Variants in KSR2 observed in about 807,000 individuals in gnomAD.
The protein encoded by KSR2 is kinase suppressor of ras 2.
In KSR2, 25 loss-of-function variants were observed where a neutral mutation model predicts 107.8. The ratio of observed to expected loss-of-function variants is 0.23; its 90% CI spans 0.17 to 0.32. The LOEUF is 0.32. KSR2 is among the 10% of genes least tolerant of loss of function. KSR2 has a pLI of 1.00. For synonymous variants in KSR2, 480 were observed against 507.0 expected (o/e 0.95, Z 0.71); for missense variants, 887 against 1,268.9 (o/e 0.70, Z 4.57).
intron 4 of KSR2, among the ~76,000 whole-genome samples, chr12:117,673,598 A>G (rs1885002681): frequency 6.6e-6 from 1 of 152,118 alleles, no homozygotes. Flanking sequence ...GAAATCCCAT[A>G]TTGCTTCCTA....
chr12:117,582,413 C>A, intron 5 of KSR2, 54 bp from the exon 6 acceptor site: 1 of 1,403,450 alleles, frequency 7.1e-7, no homozygotes, highest in Non-Finnish European at 1.0e-6. Flanking sequence ...CTGGGGTGGG[C>A]TCTGGCAAGG....
At chr12:117,949,717 T>C (rs61945416) in intron 1 of KSR2, among the ~76,000 whole-genome samples, 3,174 of 152,288 alleles carry the variant, frequency 0.021, 49 homozygotes, top group Middle Eastern at 0.054. Flanking sequence ...AATTCATCTA[T>C]GGTGGAAAAA....
intron 1 of KSR2, among the ~76,000 whole-genome samples, chr12:117,913,610 G>C (rs1895089095): frequency 6.6e-6 from 1 of 152,194 alleles, no homozygotes; most frequent in Admixed American, 6.5e-5. Flanking sequence ...TCTGAGGACA[G>C]AGGCAGAGAT....
intron 3 of KSR2, among the ~76,000 whole-genome samples, chr12:117,855,083 T>C (rs1893054759): frequency 6.6e-6 from 1 of 152,150 alleles, no homozygotes; most frequent in African/African-American, 2.4e-5. Context: ...AAGCTAGACA[T>C]TGACCCAAAA....
At chr12:117,510,786 G>A (rs1341411406) in intron 14 of KSR2, among the ~76,000 whole-genome samples, 1 of 151,428 alleles carries the variant, frequency 6.6e-6, no homozygotes, top group African/African-American at 2.4e-5. Flanking sequence ...GCTGAGACTG[G>A]AGAATTGTTT....
intron 1 of KSR2, among the ~76,000 whole-genome samples, chr12:117,903,860 G>A (rs1249080717): frequency 1.3e-5 from 2 of 152,074 alleles, no homozygotes; most frequent in African/African-American, 2.4e-5. Context: ...TTAGTTGGGC[G>A]TGATGGAGCA....
chr12:117,698,255 T>C (rs993529932), intron 4 of KSR2, among the ~76,000 whole-genome samples: 3 of 152,168 alleles, frequency 2.0e-5, no homozygotes, highest in African/African-American at 7.2e-5. Flanking sequence ...TATATCTCCT[T>C]GGTCTCTTCC....
In KSR2 at chr12:117,557,581, C is replaced by T. The variant is rs141644816; in HGVS notation, c.1393+925G>A. Among the ~76,000 whole-genome samples, 219 of 152,246 alleles carry T rather than the reference C, an allele frequency of 1.4e-3. 1 individual carries two copies. The highest frequency in any genetic ancestry group is 5.6e-3 in the East Asian group (29 of 5,178). On this transcript the variant is annotated intron_variant, in intron 8 of 19. Coordinates refer to ENST00000339824, the MANE Select transcript of KSR2 (RefSeq NM_173598.6). ...GTGCTTTGAATAGCAAGGATCTGGCCTACGATGTGCAGTAGAACTTTCTGC... is the reference window on the plus strand; with the variant it reads ...GTGCTTTGAATAGCAAGGATCTGGCTTACGATGTGCAGTAGAACTTTCTGC...
chr12:117,910,735 G>A (rs1216034256), intron 1 of KSR2, among the ~76,000 whole-genome samples: 1 of 152,186 alleles, frequency 6.6e-6, no homozygotes, highest in Non-Finnish European at 1.5e-5. Context: ...GAGTGCTGGA[G>A]TATGTTGCTT....
chr12:117,774,302 A>G lies in KSR2; in HGVS notation c.473-12778T>C, dbSNP rs568999085. Among the ~76,000 whole-genome samples the G allele has an allele frequency of 2.6e-5, 4 of 152,364 alleles. No homozygotes were observed. The East Asian group carries it at 5.8e-4, about 22-fold the overall frequency. On this transcript the variant is annotated intron_variant, in intron 3 of 19. Transcript: ENST00000339824. ...CGAGTTTGTCATCCTTGCAAAAAGA[A>G]GCGAATAAGGACAAATGAAAAACAT... is the stretch of plus-strand genomic sequence containing the variant.
At chr12:117,507,247 G>T (rs958242144) in intron 14 of KSR2, among the ~76,000 whole-genome samples, 1 of 152,174 alleles carries the variant, frequency 6.6e-6, no homozygotes, top group Non-Finnish European at 1.5e-5. Flanking sequence ...CTTGCCCAAG[G>T]CCATTCAGCA....
intron 1 of KSR2, among the ~76,000 whole-genome samples, chr12:117,941,736 C>T (rs931883736): frequency 2.9e-5 from 4 of 140,158 alleles, no homozygotes; most frequent in Admixed American, 2.3e-4. Flanking sequence ...AAATGATTCT[C>T]GTGCCTCAAC....
intron 1 of KSR2, 124 bp from the exon 2 acceptor site, chr12:117,860,555 G>A (rs891505871): frequency 2.9e-5 from 26 of 911,036 alleles, no homozygotes; most frequent in Non-Finnish European, 3.5e-5. Context: ...GACTGGTTCC[G>A]CTACAGTGAG....
Position 117,467,019 on chromosome 12 carries a change from A to T in KSR2, c.*180T>A. 1 of 475,648 alleles carries T rather than the reference A, an allele frequency of 2.1e-6. No homozygotes were observed. Among genetic ancestry groups the T allele is most frequent in the East Asian group, 3.5e-5 (1 of 28,738 alleles). 29.5% of individuals were successfully genotyped at this position (475,648 alleles called of 1,614,324 possible). ...CGGGGGTCCCCAACCCTGCCCGAGG[A>T]AAAGGGCTCAAGTCTGAGGTGCAGG... On this transcript the variant is annotated 3_prime_UTR_variant, in exon 20 of 20. Coordinates refer to ENST00000339824, the MANE Select transcript of KSR2 (RefSeq NM_173598.6).
intron 3 of KSR2, among the ~76,000 whole-genome samples, chr12:117,833,429 C>A (rs1045023303): frequency 2.0e-5 from 3 of 152,164 alleles, no homozygotes; most frequent in Non-Finnish European, 2.9e-5. Context: ...GTGGCATGAT[C>A]ATAGCTCACT....
chr12:117,824,978 G>C (rs1348586928), intron 3 of KSR2, among the ~76,000 whole-genome samples: 1 of 151,946 alleles, frequency 6.6e-6, no homozygotes, highest in East Asian at 1.9e-4. Context: ...TCAGGAGTCT[G>C]AGACCAGCCT....
At chr12:117,582,814 C>T (rs915593284) in intron 5 of KSR2, among the ~76,000 whole-genome samples, 9 of 152,162 alleles carry the variant, frequency 5.9e-5, no homozygotes, top group African/African-American at 9.7e-5. Context: ...ATTTTGGGTT[C>T]GAGGAACCTG....
rs528397457 is a variant in KSR2 at position 117,740,868 on chromosome 12, T to A, written c.986+20143A>T. Among the ~76,000 whole-genome samples the A allele has an allele frequency of 5.9e-5, 9 of 152,176 alleles. No individual in the cohort carries two copies. In the East Asian group the frequency reaches 1.7e-3, roughly 29 times the overall value. ...GACAATGGCAATCATACCAGCTCAA[T>A]GCAAACACTCCCAAAAAGACTGATG... On this transcript the variant is annotated intron_variant, in intron 4 of 19. Coordinates refer to ENST00000339824, the MANE Select transcript of KSR2 (RefSeq NM_173598.6).
At chr12:117,667,417 G>A in intron 5 of KSR2, 57 bp downstream of exon 5, 2 of 1,505,364 alleles carry the variant, frequency 1.3e-6, no homozygotes, top group Middle Eastern at 2.1e-4. Context: ...AGCAGGTGCT[G>A]GGGAGAAGGA....
Sources: allele counts gnomAD v4.1 joint callset (sites outside exome capture counted in the v4.1 genomes callset), GRCh38; gene constraint gnomAD v4.1.1; transcripts MANE v1.5; gene names NCBI Gene and HGNC (gene_info 2026-07-23, HGNC 2026-07-21).